Variants in FBXL7 observed in about 807,000 individuals in gnomAD.
FBXL7 encodes F-box and leucine rich repeat protein 7.
Under a neutral mutation model 38.3 loss-of-function variants are expected in FBXL7, and 12 were observed. That is an observed-to-expected ratio of 0.31 (90% CI 0.20 to 0.51). The LOEUF (loss-of-function observed/expected upper bound fraction) is 0.51. Among genes scored for constraint, FBXL7 ranks in the 20% least tolerant of loss-of-function variants. FBXL7 has a pLI of 0.98. For missense variants in FBXL7, 567 were observed against 676.4 expected, an observed-to-expected ratio of 0.84 and a Z score of 1.79; for synonymous variants, 297 against 300.9, an observed-to-expected ratio of 0.99 and a Z score of 0.13.
chr5:15,862,794 A>G (rs1212465359), intron 2 of FBXL7, among the ~76,000 whole-genome samples: 1 of 152,174 alleles, frequency 6.6e-6, no homozygotes, highest in Non-Finnish European at 1.5e-5. Context: ...GGGAGTGCTG[A>G]TGTGCAGCAG....
intron 2 of FBXL7, among the ~76,000 whole-genome samples, chr5:15,770,963 T>A (rs1192326958): frequency 1.3e-5 from 2 of 152,188 alleles, no homozygotes; most frequent in African/African-American, 4.8e-5. Flanking sequence ...AAGATTCCAG[T>A]CTTATTTTTA....
At chr5:15,598,708 A>G (rs1159973176) in intron 1 of FBXL7, among the ~76,000 whole-genome samples, 2 of 152,126 alleles carry the variant, frequency 1.3e-5, no homozygotes, top group Admixed American at 6.5e-5. Flanking sequence ...AGAGAGAGAG[A>G]AAGAGAGCAC....
At chr5:15,760,254 G>T (rs1422014871) in intron 2 of FBXL7, among the ~76,000 whole-genome samples, 1 of 151,994 alleles carries the variant, frequency 6.6e-6, no homozygotes, top group Non-Finnish European at 1.5e-5. Context: ...AACCATAGCT[G>T]ATCATTCTGC....
intron 2 of FBXL7, among the ~76,000 whole-genome samples, chr5:15,830,412 A>C (rs1331382886): frequency 6.6e-6 from 1 of 151,722 alleles, no homozygotes; most frequent in East Asian, 2.0e-4. Flanking sequence ...GGAACCTGGG[A>C]GGCAGAGGTT....
chr5:15,500,444 A>G lies in FBXL7; in HGVS notation c.-233A>G, dbSNP rs1296841421. ...CCGCCGGCCCCCAGCGCGGATTGTA[A>G]GTGCTGCAGCTGTGCCCGGCCCCGC... is the stretch of plus-strand genomic sequence containing the variant. On this transcript the variant is annotated 5_prime_UTR_variant, in exon 1 of 4. An upstream open reading frame in the 5' UTR loses its in-frame stop. Transcript: ENST00000504595. 3.8e-6 allele frequency: 2 copies of G among 526,514 alleles called. No individual in the cohort carries two copies. Among genetic ancestry groups the G allele is most frequent in the Non-Finnish European group, 6.6e-6 (2 of 302,770 alleles). The allele number at this position is 526,514 out of a possible 1,614,324, so 32.6% of individuals were successfully genotyped here. A position where few individuals can be genotyped will look rare whatever the true frequency, so the allele number is the denominator to read the frequency against.
chr5:15,752,103 G>C (rs1350812493), intron 2 of FBXL7, among the ~76,000 whole-genome samples: 1 of 152,124 alleles, frequency 6.6e-6, no homozygotes, highest in African/African-American at 2.4e-5. Context: ...TTTACACATT[G>C]CTTCACATGG....
chr5:15,649,568 A>G (rs955956058), intron 2 of FBXL7, among the ~76,000 whole-genome samples: 4 of 152,184 alleles, frequency 2.6e-5, no homozygotes, highest in Non-Finnish European at 5.9e-5. Flanking sequence ...AACTAAACTC[A>G]TCTCAGTCAT....
chr5:15,898,545 C>T (rs1266375205), intron 2 of FBXL7, among the ~76,000 whole-genome samples: 1 of 152,196 alleles, frequency 6.6e-6, no homozygotes, highest in Admixed American at 6.5e-5. Flanking sequence ...TCATCATTCT[C>T]AAAGGAGATT....
intron 1 of FBXL7, among the ~76,000 whole-genome samples, chr5:15,590,247 T>C (rs891065720): frequency 1.6e-4 from 25 of 152,224 alleles, no homozygotes; most frequent in Non-Finnish European, 2.6e-4. Context: ...ACAAATTCCT[T>C]GTGTTTCTAC....
At chr5:15,669,508 T>C (rs2126595091) in intron 2 of FBXL7, among the ~76,000 whole-genome samples, 1 of 152,286 alleles carries the variant, frequency 6.6e-6, no homozygotes, top group African/African-American at 2.4e-5. Context: ...GTTTTTAGGC[T>C]CTGTGACTCT....
At chr5:15,643,774 A>G (rs1741442059) in intron 2 of FBXL7, among the ~76,000 whole-genome samples, 1 of 152,186 alleles carries the variant, frequency 6.6e-6, no homozygotes, top group African/African-American at 2.4e-5. Flanking sequence ...CTTTGGGAAC[A>G]TTGGAAAAAA....
At chr5:15,684,403 A>C (rs1465529448) in intron 2 of FBXL7, among the ~76,000 whole-genome samples, 1 of 152,204 alleles carries the variant, frequency 6.6e-6, no homozygotes, top group African/African-American at 2.4e-5. Context: ...TTAAAGGGTA[A>C]ATAGGAGTAT....
chr5:15,665,832 C>T (rs1742256451), intron 2 of FBXL7, among the ~76,000 whole-genome samples: 2 of 152,118 alleles, frequency 1.3e-5, no homozygotes, highest in Admixed American at 1.3e-4. Context: ...CATTTGTTCC[C>T]AACCTTGCAC....
intron 2 of FBXL7, among the ~76,000 whole-genome samples, chr5:15,881,597 T>G (rs1379837680): frequency 6.6e-6 from 1 of 152,194 alleles, no homozygotes; most frequent in Non-Finnish European, 1.5e-5. Flanking sequence ...TTAAGGAATC[T>G]CCACACTTTT....
chr5:15,594,585 GTCCTTGGT>G (rs1739569079), intron 1 of FBXL7, among the ~76,000 whole-genome samples: 3 of 152,180 alleles, frequency 2.0e-5, no homozygotes, highest in Non-Finnish European at 4.4e-5. Context: ...TAGTGGGCTT[GTCCTTGGT>G]ATTGGAGCTG....
At chr5:15,892,611 A>G (rs1321686611) in intron 2 of FBXL7, among the ~76,000 whole-genome samples, 1 of 152,102 alleles carries the variant, frequency 6.6e-6, no homozygotes, top group South Asian at 2.1e-4. Flanking sequence ...AACGTATTAT[A>G]TCATATCCTC....
At chr5:15,929,037 A>T (rs762639779) in intron 3 of FBXL7, among the ~76,000 whole-genome samples, 3 of 152,174 alleles carry the variant, frequency 2.0e-5, no homozygotes, top group Non-Finnish European at 4.4e-5. Context: ...TAGCTTAGAA[A>T]CTATCCTCGC....
chr5:15,758,403 G>A (rs1223592939), intron 2 of FBXL7, among the ~76,000 whole-genome samples: 2 of 151,436 alleles, frequency 1.3e-5, no homozygotes, highest in Non-Finnish European at 2.9e-5. Flanking sequence ...GGCTTCTAAT[G>A]ACCCTGTGAC....
chr5:15,770,884 G>C (rs1394656), intron 2 of FBXL7, among the ~76,000 whole-genome samples: 114,665 of 151,940 alleles, frequency 0.75, 43,656 homozygotes, highest in East Asian at 0.89. Flanking sequence ...TTGTACCCAT[G>C]ATGAGGCAGG....
Sources: allele counts gnomAD v4.1 joint callset (sites outside exome capture counted in the v4.1 genomes callset), GRCh38; gene constraint gnomAD v4.1.1; transcripts MANE v1.5; gene names NCBI Gene and HGNC (gene_info 2026-07-23, HGNC 2026-07-21).